Variants in U2SURP observed in about 807,000 individuals in gnomAD.
U2SURP encodes U2 snRNP-associated SURP motif-containing protein.
In U2SURP, 9 loss-of-function variants were observed where a neutral mutation model predicts 144.9. The ratio of observed to expected loss-of-function variants is 0.06; its 90% CI spans 0.04 to 0.11. U2SURP has a LOEUF of 0.11. Among genes scored for constraint, U2SURP ranks in the 10% least tolerant of loss-of-function variants. U2SURP has a pLI of 1.00. For missense variants in U2SURP, 724 were observed against 1,226.7 expected (o/e 0.59, Z 6.12); for synonymous variants, 408 against 396.8 (o/e 1.03, Z -0.33).
intron 24 of U2SURP, among the ~76,000 whole-genome samples, chr3:143,047,981 TCTA>T (rs1934630910): frequency 6.6e-6 from 1 of 152,174 alleles, no homozygotes; most frequent in Admixed American, 6.5e-5. Flanking sequence ...CTTTTCTTAT[TCTA>T]CTATTGTCCC....
At chr3:143,039,038 A>G in intron 23 of U2SURP, 78 bp downstream of exon 23, 1 of 1,056,080 alleles carries the variant, frequency 9.5e-7, no homozygotes, top group Non-Finnish European at 1.3e-6. Context: ...AGTTGAAATA[A>G]TAGTGAAGTG....
rs201510232 is a variant in U2SURP at position 143,028,400 on chromosome 3, T to A, written c.1440T>A (p.Ile480=). ...HVYYRWKLYS[I]LQGDSPTKWR... The stretch of plus-strand genomic sequence containing the variant: ...ACTATAGGTGGAAGCTTTATTCTAT[T>A]CTGCAGGCAAGTAGAATCAATTACT... Residue 480 remains isoleucine, a synonymous_variant, in exon 15 of 28, where the codon ATT becomes ATA. Transcript: ENST00000473835. 879 of 1,612,964 alleles carry A rather than the reference T, an allele frequency of 5.4e-4. No homozygotes were observed. The highest frequency in any genetic ancestry group is 6.8e-4 in the Non-Finnish European group (799 of 1,179,480).
At chr3:143,047,773 T>C (rs1934603105) in intron 24 of U2SURP, among the ~76,000 whole-genome samples, 1 of 68,554 alleles carries the variant, frequency 1.5e-5, no homozygotes, top group African/African-American at 5.6e-5. Flanking sequence ...ACCTCCCTCC[T>C]GAACGGGGCG....
chr3:143,027,114 T>G, intron 13 of U2SURP, 35 bp from the exon 14 acceptor site: 1 of 1,508,280 alleles, frequency 6.6e-7, no homozygotes, highest in Non-Finnish European at 9.2e-7. Context: ...GTGGTAGGTC[T>G]GAATCCATTT....
chr3:143,035,935 C>A, intron 19 of U2SURP, 47 bp from the exon 20 acceptor site: 1 of 1,532,884 alleles, frequency 6.5e-7, no homozygotes, highest in South Asian at 1.3e-5. Context: ...AAATTTGAGA[C>A]ATATAGCCCA....
intron 1 of U2SURP, among the ~76,000 whole-genome samples, chr3:143,006,467 T>A (rs1935837771): frequency 6.6e-6 from 1 of 152,120 alleles, no homozygotes; most frequent in Non-Finnish European, 1.5e-5. Context: ...ATGTACCCAT[T>A]TTTAGCGGCC....
intron 16 of U2SURP, among the ~76,000 whole-genome samples, chr3:143,029,294 TAC>T (rs141116188): frequency 6.6e-6 from 1 of 152,370 alleles, no homozygotes; most frequent in African/African-American, 2.4e-5. Context: ...GCTCTGCAGA[TAC>T]AGTGTGTTTT....
intron 8 of U2SURP, among the ~76,000 whole-genome samples, 197 bp from the exon 9 acceptor site, chr3:143,021,153 T>C (rs534121531): frequency 2.6e-5 from 4 of 152,222 alleles, no homozygotes; most frequent in African/African-American, 9.6e-5. Context: ...AACGTGCCAT[T>C]GCACTCCAGC....
rs540244006 is a variant in U2SURP, at chr3:143,034,983, T to C, written c.1941+8T>C. 231 of 1,444,374 alleles carry C rather than the reference T, an allele frequency of 1.6e-4. 1 individual carries two copies. The South Asian group carries it at 2.6e-3, about 16-fold the overall frequency. 89.5% of individuals were successfully genotyped at this position (1,444,374 alleles called of 1,614,324 possible). ...CAATCTGAAAACTTTAAGGTACGTT[T>C]ATTGTTTTACTATTTTTGCCCTAGT... On this transcript the variant is annotated splice_region_variant and intron_variant, in intron 19 of 27. Coordinates refer to ENST00000473835, the MANE Select transcript of U2SURP (RefSeq NM_001080415.2).
chr3:143,054,512 G>T (rs992909039), intron 26 of U2SURP, among the ~76,000 whole-genome samples: 4 of 152,128 alleles, frequency 2.6e-5, no homozygotes, highest in Non-Finnish European at 4.4e-5. Flanking sequence ...ATAATTGATA[G>T]TTACCCTTCA....
intron 13 of U2SURP, chr3:143,024,490 T>G: frequency 2.3e-6 from 1 of 444,240 alleles, no homozygotes; most frequent in Admixed American, 2.5e-5. Flanking sequence ...TAAGAAGAAA[T>G]TCCTATTATT....
At chr3:143,008,277 G>A (rs1468031302) in intron 1 of U2SURP, among the ~76,000 whole-genome samples, 3 of 152,240 alleles carry the variant, frequency 2.0e-5, no homozygotes. Flanking sequence ...TCAGGGAAGA[G>A]TTAACTATAT....
chr3:143,028,558 T>C lies in U2SURP; in HGVS notation c.1522T>C (p.Leu508=), dbSNP rs745547683. ...KNGSFWRPPP[L]NPYLHGMSEE... Reference sequence around the variant, plus strand: ...TGGATCTTTTTGGAGGCCACCACCATTAAATCCGTACTTGCATGGAATGTC... The same window carrying C: ...TGGATCTTTTTGGAGGCCACCACCACTAAATCCGTACTTGCATGGAATGTC... The change falls in exon 16 of 28, where the codon TTA becomes CTA. Residue 508 remains leucine (L), a synonymous_variant. Coordinates refer to ENST00000473835, the MANE Select transcript of U2SURP (RefSeq NM_001080415.2). 4 of 1,595,492 alleles carry C rather than the reference T, an allele frequency of 2.5e-6. No homozygotes were observed. The East Asian group carries it at 8.9e-5, about 36-fold the overall frequency.
chr3:143,018,228 C>T (rs1385987343), intron 6 of U2SURP, among the ~76,000 whole-genome samples: 1 of 152,060 alleles, frequency 6.6e-6, no homozygotes, highest in Non-Finnish European at 1.5e-5. Flanking sequence ...CAGTCCCTGA[C>T]AGCCTACTAA....
intron 14 of U2SURP, 45 bp from the exon 15 acceptor site, chr3:143,028,295 C>G: frequency 6.5e-7 from 1 of 1,546,768 alleles, no homozygotes; most frequent in Non-Finnish European, 8.8e-7. Flanking sequence ...GAAGATAGCT[C>G]TTTGTTAAAG....
chr3:143,018,840 G>T (rs1357089544), intron 6 of U2SURP, among the ~76,000 whole-genome samples: 1 of 152,076 alleles, frequency 6.6e-6, no homozygotes, highest in Non-Finnish European at 1.5e-5. Context: ...CAGGAGAATC[G>T]CTTGAACTCG....
intron 7 of U2SURP, 98 bp downstream of exon 7, chr3:143,020,134 A>G (rs1167537100): frequency 3.0e-6 from 2 of 673,148 alleles, no homozygotes; most frequent in African/African-American, 3.8e-5. Context: ...GTTAGTTATT[A>G]CTAACCAGTT....
At chr3:143,014,272 T>G (rs757855700) in intron 3 of U2SURP, 39 bp from the exon 4 acceptor site, 1 of 1,397,208 alleles carries the variant, frequency 7.2e-7, no homozygotes, top group Non-Finnish European at 9.9e-7. Context: ...TAGATAGCAT[T>G]AAGAATCTAT....
chr3:143,056,603 C>A lies in U2SURP; in HGVS notation c.*153C>A. 1.3e-6 allele frequency: 1 copy of A among 763,232 alleles called. No homozygotes were observed. The highest frequency in any genetic ancestry group is 2.1e-6 in the Non-Finnish European group (1 of 486,120). The allele number at this position is 763,232 out of a possible 1,614,324, so 47.3% of individuals were successfully genotyped here. On this transcript the variant is annotated 3_prime_UTR_variant, in exon 28 of 28. Transcript: ENST00000473835. Reference sequence around the variant, plus strand: ...GCATGTGTAAACTCATGAGCAACTGCATCTGTAGATCTGTCATTGTTTTAT... The same window carrying A: ...GCATGTGTAAACTCATGAGCAACTGAATCTGTAGATCTGTCATTGTTTTAT...
Sources: allele counts gnomAD v4.1 joint callset (sites outside exome capture counted in the v4.1 genomes callset), GRCh38; gene constraint gnomAD v4.1.1; transcripts MANE v1.5; gene names NCBI Gene and HGNC (gene_info 2026-07-23, HGNC 2026-07-21).